The following PIH1D2 variants were observed in gnomAD, a reference collection of about 807,000 sequenced individuals.
The protein encoded by PIH1D2 is PIH1 domain-containing protein 2.
Under a neutral mutation model 31.2 loss-of-function variants are expected in PIH1D2, and 25 were observed. That is an observed-to-expected ratio of 0.80 (90% CI 0.58 to 1.12). PIH1D2 has a LOEUF of 1.12. Ranked by LOEUF, PIH1D2 falls within the 50% of genes most tolerant of loss-of-function variation. PIH1D2 has a pLI of 0.00. For synonymous variants in PIH1D2, 116 were observed against 119.9 expected (o/e 0.97, Z 0.21); for missense variants, 310 against 356.6 (o/e 0.87, Z 1.05).
At chr11:112,061,648 G>A (rs370609815), downstream of PIH1D2, 28 of 167,292 alleles carry the variant, frequency 1.7e-4, no homozygotes, top group South Asian at 4.1e-3. Context: ...GTGCCATCTC[G>A]GCTCACTGCA....
downstream of PIH1D2, chr11:112,060,217 A>G (rs1864488933): frequency 1.5e-6 from 1 of 656,440 alleles, no homozygotes; most frequent in Non-Finnish European, 2.4e-6. Flanking sequence ...GCTGGAGTGC[A>G]GTGGCATGAT....
At chr11:112,069,540 A>G (rs944526836) in intron 5 of PIH1D2, among the ~76,000 whole-genome samples, 2 of 152,128 alleles carry the variant, frequency 1.3e-5, no homozygotes, top group Non-Finnish European at 2.9e-5. Flanking sequence ...CAGGCTGAAG[A>G]GGCTACTTAG....
At chr11:112,055,369 G>A in the PIH1D2 span, among the ~76,000 whole-genome samples, 2 of 146,624 alleles carry the variant, frequency 1.4e-5, no homozygotes, top group East Asian at 2.1e-4. Context: ...TCAGCCTCCC[G>A]AGTAGCTGGG....
At chr11:112,055,166 G>A in the PIH1D2 span, among the ~76,000 whole-genome samples, 1 of 149,192 alleles carries the variant, frequency 6.7e-6, no homozygotes, top group African/African-American at 2.4e-5. Flanking sequence ...CTCGTGGAGA[G>A]TTTTCTGGAG....
chr11:112,055,703 G>A, the PIH1D2 span, among the ~76,000 whole-genome samples: 20 of 151,526 alleles, frequency 1.3e-4, no homozygotes, highest in African/African-American at 4.6e-4. Flanking sequence ...CCGTGCTATG[G>A]CCACCGTGAT....
downstream of PIH1D2, among the ~76,000 whole-genome samples, chr11:112,058,739 A>G (rs1864309664): frequency 1.3e-5 from 2 of 152,030 alleles, no homozygotes; most frequent in African/African-American, 4.8e-5. Context: ...ACCAATAAAA[A>G]TCAGTTATTT....
chr11:112,063,519 G>A (rs376325976), downstream of PIH1D2: 1 of 152,512 alleles, frequency 6.6e-6, no homozygotes, highest in East Asian at 1.9e-4. Flanking sequence ...TGAAAAGGAG[G>A]GGTACATTGG....
chr11:112,053,959 C>T, the PIH1D2 span, among the ~76,000 whole-genome samples: 77 of 152,244 alleles, frequency 5.1e-4, no homozygotes, highest in African/African-American at 1.8e-3. Context: ...GCCCTTCCTA[C>T]ATACACACAC....
chr11:112,060,007 ATGT>A (rs782810928), downstream of PIH1D2: 31 of 1,614,084 alleles, frequency 1.9e-5, no homozygotes, highest in Non-Finnish European at 5.9e-6. Flanking sequence ...ATTGCTAATG[ATGT>A]TGTTTCTTTA....
At chr11:112,053,428 A>G in the PIH1D2 span, among the ~76,000 whole-genome samples, 2 of 152,124 alleles carry the variant, frequency 1.3e-5, no homozygotes, top group African/African-American at 4.8e-5. Context: ...CCAGGAGGCA[A>G]ACACAACTGT....
chr11:112,067,685 A>AAATAT, downstream of PIH1D2: 2 of 17,804 alleles, frequency 1.1e-4, no homozygotes, highest in African/African-American at 3.5e-4. Flanking sequence ...AAAAAAAAAA[A>AAATAT]ATATATATAT....
chr11:112,054,332 T>C, the PIH1D2 span, among the ~76,000 whole-genome samples: 2 of 151,108 alleles, frequency 1.3e-5, no homozygotes. Context: ...ATAATAATAA[T>C]AATAAATAAA....
At position 112,073,121 on chromosome 11, in the gene PIH1D2, G is replaced by A; in HGVS notation, c.54C>T (p.Leu18=). The change falls in exon 2 of 6, where the codon CTC becomes CTT. Residue 18 remains leucine (L), a synonymous_variant. Transcript: ENST00000280350. ...LLTQVTQFWN[L]LDDLAQSDPE... ...GGTCACTCTGAGCTAGATCATCTAG[G>A]AGGTTCCAAAACTGAGTAACTTGGG... 6.2e-7 allele frequency: 1 copy of A among 1,614,054 alleles called. No homozygotes were observed. Among genetic ancestry groups the A allele is most frequent in the Non-Finnish European group, 8.5e-7 (1 of 1,179,954 alleles).
downstream of PIH1D2, among the ~76,000 whole-genome samples, chr11:112,065,407 C>CTG (rs1220055038): frequency 6.6e-6 from 1 of 152,114 alleles, no homozygotes; most frequent in Non-Finnish European, 1.5e-5. Context: ...CATCTAAGTG[C>CTG]TGAGTGCAAG....
At chr11:112,062,571 C>G (rs587683261), downstream of PIH1D2, 69 of 1,604,976 alleles carry the variant, frequency 4.3e-5, no homozygotes, top group Middle Eastern at 8.9e-4. Context: ...CCAGGTCACA[C>G]TGATTCATTC....
chr11:112,061,436 A>C, downstream of PIH1D2: 2 of 419,238 alleles, frequency 4.8e-6, no homozygotes, highest in Non-Finnish European at 8.6e-6. Flanking sequence ...GGTGTGCAGC[A>C]AATTCAAGTT....
Position 112,070,662 on chromosome 11 carries a change from T to C in PIH1D2, c.587A>G (p.Asn196Ser), listed in dbSNP as rs1019189030. The change falls in exon 5 of 6, where the codon AAT becomes AGT. Residue 196 changes from asparagine to serine, a missense_variant. By Grantham distance (46) the Asn-to-Ser change is conservative. Transcript: ENST00000280350. Reference protein sequence around the residue: ...LGQIRSSTMSNPDHFPQLLLP... With the variant: ...LGQIRSSTMSSPDHFPQLLLP... The stretch of plus-strand genomic sequence containing the variant: ...TAACAGTTGAGGAAAGTGATCTGGA[T>C]TGCTCATAGTACTGCTTCGTATCTG... 4.3e-6 allele frequency: 7 copies of C among 1,614,040 alleles called. No individual in the cohort carries two copies. The highest frequency in any genetic ancestry group is 2.2e-5 in the East Asian group (1 of 44,890).
chr11:112,061,201 G>A (rs200369358), downstream of PIH1D2: 13 of 1,613,384 alleles, frequency 8.1e-6, no homozygotes, highest in East Asian at 4.5e-5. Context: ...AGGGGAAGTC[G>A]TAAGCTAATT....
At chr11:112,072,864 AAAAACAAAAC>A (rs1209498913) in intron 2 of PIH1D2, 124 bp downstream of exon 2, 24 of 989,336 alleles carry the variant, frequency 2.4e-5, no homozygotes, top group Admixed American at 1.2e-4. Context: ...CTCTGTCTCA[AAAAACAAAAC>A]AAAACAAAAC....
Sources: allele counts gnomAD v4.1 joint callset (sites outside exome capture counted in the v4.1 genomes callset), GRCh38; gene constraint gnomAD v4.1.1; transcripts MANE v1.5; gene names NCBI Gene and HGNC (gene_info 2026-07-23, HGNC 2026-07-21).